Variants in FSTL4 observed in about 807,000 individuals in gnomAD.
The protein encoded by FSTL4 is follistatin like 4.
Under a neutral mutation model 78.2 loss-of-function variants are expected in FSTL4, and 28 were observed. That is an observed-to-expected ratio of 0.36 (90% CI 0.27 to 0.49). The LOEUF is 0.49. Among genes scored for constraint, FSTL4 ranks in the 20% least tolerant of loss-of-function variants. The pLI, the probability that FSTL4 is intolerant of heterozygous loss-of-function variation, is 0.98. For synonymous variants in FSTL4, 422 were observed against 440.5 expected (o/e 0.96, Z 0.53); for missense variants, 922 against 1,084.9 (o/e 0.85, Z 2.11).
At chr5:133,556,883 G>A (rs1003605790) in intron 3 of FSTL4, among the ~76,000 whole-genome samples, 3 of 152,238 alleles carry the variant, frequency 2.0e-5, no homozygotes, top group African/African-American at 7.2e-5. Context: ...CCACTGCCAG[G>A]TGAGGGGCTT....
chr5:133,396,662 G>A (rs1756056158), intron 4 of FSTL4, among the ~76,000 whole-genome samples: 1 of 152,054 alleles, frequency 6.6e-6, no homozygotes, highest in African/African-American at 2.4e-5. Context: ...GGAGGTGTGG[G>A]GCCCAATTTA....
intron 7 of FSTL4, among the ~76,000 whole-genome samples, chr5:133,239,180 C>A (rs539107047): frequency 1.3e-5 from 2 of 152,156 alleles, no homozygotes; most frequent in Admixed American, 6.5e-5. Flanking sequence ...TGCCTCCCTG[C>A]GGGGCAAGGC....
chr5:133,318,371 T>C (rs776404565), intron 4 of FSTL4, among the ~76,000 whole-genome samples: 12 of 152,154 alleles, frequency 7.9e-5, no homozygotes, highest in African/African-American at 1.2e-4. Flanking sequence ...GGGTTTTTCC[T>C]TTTTCTGGGC....
chr5:133,348,771 A>C (rs1754755225), intron 4 of FSTL4, among the ~76,000 whole-genome samples: 1 of 152,168 alleles, frequency 6.6e-6, no homozygotes, highest in Non-Finnish European at 1.5e-5. Flanking sequence ...TCCTCATCTG[A>C]AAAATGGGGA....
chr5:133,712,702 T>A, the FSTL4 span, among the ~76,000 whole-genome samples: 1 of 152,206 alleles, frequency 6.6e-6, no homozygotes, highest in Non-Finnish European at 1.5e-5. Context: ...GCTATCAGGT[T>A]GCTCGTGGAT....
chr5:133,542,073 C>T (rs183793086), intron 3 of FSTL4, among the ~76,000 whole-genome samples: 17 of 152,132 alleles, frequency 1.1e-4, no homozygotes, highest in Non-Finnish European at 2.2e-4. Context: ...AAACCTTGCT[C>T]GCATTATATA....
chr5:133,306,173 T>G (rs1400073360), intron 6 of FSTL4, among the ~76,000 whole-genome samples: 1 of 152,242 alleles, frequency 6.6e-6, no homozygotes, highest in Non-Finnish European at 1.5e-5. Context: ...CCAGCAAAGC[T>G]GACCTCCAGG....
intron 3 of FSTL4, among the ~76,000 whole-genome samples, chr5:133,462,488 C>T (rs1757612164): frequency 6.6e-6 from 1 of 152,232 alleles, no homozygotes; most frequent in Non-Finnish European, 1.5e-5. Context: ...CAAGTGGACT[C>T]AAAGTAGCAC....
chr5:133,702,259 T>C, the FSTL4 span, among the ~76,000 whole-genome samples: 3 of 152,176 alleles, frequency 2.0e-5, no homozygotes, highest in Admixed American at 6.5e-5. Flanking sequence ...TGTCCACCAA[T>C]AGCCAACTGA....
In FSTL4 at chr5:133,361,345, C is replaced by T. The variant is rs1041199177; in HGVS notation, c.409+39393G>A. Among the ~76,000 whole-genome samples the T allele has an allele frequency of 2.0e-5, 3 of 152,158 alleles. No individual in the cohort carries two copies. Among genetic ancestry groups the T allele is most frequent in the Admixed American group, 6.5e-5 (1 of 15,276 alleles). On this transcript the variant is annotated intron_variant, in intron 4 of 15. Transcript: ENST00000265342. The surrounding 1 kb of genome is among the most constrained non-coding windows in gnomAD (Gnocchi z 4.3). ...TATCTTGAGATTTCGCGGTTGACTG[C>T]GATAATCCTTTATAGTTATTTACTA...
rs547955533 is a variant in FSTL4 at position 133,336,242 on chromosome 5, G to C, written c.410-19590C>G. 3.9e-5 allele frequency among the ~76,000 whole-genome samples: 6 copies of C among 152,340 alleles called. No homozygotes were observed. The South Asian group carries it at 8.3e-4, about 21-fold the overall frequency. On this transcript the variant is annotated intron_variant, in intron 4 of 15. Transcript: ENST00000265342. The stretch of plus-strand genomic sequence containing the variant: ...TCCAGCTCGGGGAGGAGGCAAGGGT[G>C]GGGTGGGGAATGAGCACAGCCAGCC...
the FSTL4 span, among the ~76,000 whole-genome samples, chr5:133,817,947 A>T: frequency 3.2e-3 from 480 of 152,346 alleles, 6 homozygotes; most frequent in Non-Finnish European, 2.4e-3. Context: ...AATACACATG[A>T]CATGTTCAAG....
intron 3 of FSTL4, among the ~76,000 whole-genome samples, chr5:133,462,542 C>T (rs1018714879): frequency 2.0e-5 from 3 of 152,222 alleles, no homozygotes; most frequent in Admixed American, 6.5e-5. Flanking sequence ...CCACTTCACT[C>T]CTAACGATTA....
intron 4 of FSTL4, among the ~76,000 whole-genome samples, chr5:133,328,614 G>C (rs758976413): frequency 2.6e-5 from 4 of 152,142 alleles, no homozygotes; most frequent in Non-Finnish European, 5.9e-5. Context: ...TCCCTAACAG[G>C]TCAGCATTCC....
the FSTL4 span, among the ~76,000 whole-genome samples, chr5:133,700,044 C>T: frequency 6.6e-6 from 1 of 152,172 alleles, no homozygotes; most frequent in Admixed American, 6.5e-5. Context: ...TTCATTCAGG[C>T]CCCTGCTGCA....
the FSTL4 span, among the ~76,000 whole-genome samples, chr5:133,651,928 C>T: frequency 1.3e-5 from 2 of 152,032 alleles, no homozygotes; most frequent in African/African-American, 4.8e-5. Context: ...TTTCTGTTTT[C>T]TTTAATAGAT....
At position 133,513,807 on chromosome 5, in the gene FSTL4, A is replaced by G. The variant is rs1758790444; in HGVS notation, c.160+53379T>C. ...TTGCGACAAACAGAACATTATCCTG[A>G]AGGGTCCTCTCTGAGAATGATCTAC... On this transcript the variant is annotated intron_variant, in intron 3 of 15. Transcript: ENST00000265342. Among the ~76,000 whole-genome samples the G allele has an allele frequency of 5.9e-5, 9 of 152,162 alleles. No individual in the cohort carries two copies. The South Asian group carries it at 1.9e-3, about 32-fold the overall frequency.
chr5:133,201,932 C>A lies in FSTL4; in HGVS notation c.1826+1G>T. ...TTAGAGGCATCATGGGCCAGTCTCA[C>A]CTGATGTGGTTGATGATGAGGTTTG... On this transcript the variant is annotated splice_donor_variant, in intron 15 of 15. Transcript: ENST00000265342. LOFTEE classifies it high-confidence loss of function. The A allele has an allele frequency of 2.5e-6, 4 of 1,577,726 alleles. No homozygotes were observed. Among genetic ancestry groups the A allele is most frequent in the Non-Finnish European group, 3.5e-6 (4 of 1,152,216 alleles).
At chr5:133,825,845 G>A in the FSTL4 span, among the ~76,000 whole-genome samples, 1 of 152,200 alleles carries the variant, frequency 6.6e-6, no homozygotes, top group Admixed American at 6.5e-5. Flanking sequence ...AGAAGCAATG[G>A]CCCCCAGCAT....
Sources: allele counts gnomAD v4.1 joint callset (sites outside exome capture counted in the v4.1 genomes callset), GRCh38; gene constraint gnomAD v4.1.1; non-coding constraint Gnocchi (gnomAD v3.1); transcripts MANE v1.5; gene names NCBI Gene and HGNC (gene_info 2026-07-23, HGNC 2026-07-21).